Variants in MCTP1 observed in about 807,000 individuals in gnomAD.
The protein encoded by MCTP1 is multiple C2 and transmembrane domain-containing protein 1.
Under a neutral mutation model 120.6 loss-of-function variants are expected in MCTP1, and 69 were observed. The observed-to-expected ratio is 0.57, with a 90% confidence interval of 0.47 to 0.70. The LOEUF (loss-of-function observed/expected upper bound fraction) is 0.70, where lower values mean the gene tolerates loss of function less well. MCTP1 is among the 30% of genes least tolerant of loss of function. The pLI is 0.00. For missense variants in MCTP1, 1,203 were observed against 1,248.8 expected (o/e 0.96, Z 0.55); for synonymous variants, 529 against 493.1 (o/e 1.07, Z -0.96).
At chr5:95,032,680 G>A (rs1200806699) in intron 1 of MCTP1, among the ~76,000 whole-genome samples, 1 of 151,802 alleles carries the variant, frequency 6.6e-6, no homozygotes, top group Non-Finnish European at 1.5e-5. Flanking sequence ...CCCAAAACAA[G>A]CAAAACAAGA....
At chr5:95,132,476 A>G (rs528980329) in intron 1 of MCTP1, among the ~76,000 whole-genome samples, 6 of 152,388 alleles carry the variant, frequency 3.9e-5, no homozygotes, top group Non-Finnish European at 8.8e-5. Flanking sequence ...TGGAAAATGC[A>G]TAAAACAACA....
In MCTP1 at chr5:94,766,840, GATTA is replaced by G. The variant is rs965582079; in HGVS notation, c.2610+12266_2610+12269del. Among the ~76,000 whole-genome samples, 3 of 152,154 alleles carry G rather than the reference GATTA, an allele frequency of 2.0e-5. No individual in the cohort carries two copies. In the East Asian group the frequency reaches 5.8e-4, roughly 29 times the overall value. On this transcript the variant is annotated intron_variant, in intron 19 of 22. Coordinates refer to ENST00000515393, the MANE Select transcript of MCTP1 (RefSeq NM_024717.7). Reference sequence around the variant, plus strand: ...AGACCCCAAACTGGATAGCTTTACTGATTAATTATGGCAATTTATAAAGAACTAA... The same window carrying G: ...AGACCCCAAACTGGATAGCTTTACTGATTATGGCAATTTATAAAGAACTAA...
chr5:94,705,993 G>C lies in MCTP1; in HGVS notation c.*1503C>G, dbSNP rs1561493837. 6.6e-6 allele frequency: 1 copy of C among 151,608 alleles called. No individual in the cohort carries two copies. Among genetic ancestry groups the C allele is most frequent in the African/African-American group, 2.4e-5 (1 of 41,368 alleles). The allele number at this position is 151,608 out of a possible 1,614,324, so 9.4% of individuals were successfully genotyped here. A position where few individuals can be genotyped will look rare whatever the true frequency, so the allele number is the denominator to read the frequency against. Reference sequence around the variant, plus strand: ...CAAAATAGTTCTATTATAAGAAATAGTATTTAACAACTTATCTCTAAAATA... The same window carrying C: ...CAAAATAGTTCTATTATAAGAAATACTATTTAACAACTTATCTCTAAAATA... On this transcript the variant is annotated 3_prime_UTR_variant, in exon 23 of 23. Transcript: ENST00000515393.
intron 2 of MCTP1, among the ~76,000 whole-genome samples, chr5:94,988,951 G>T (rs945231407): frequency 6.6e-6 from 1 of 152,004 alleles, no homozygotes; most frequent in Non-Finnish European, 1.5e-5. Flanking sequence ...AACTGGATGG[G>T]GGAAACCACC....
chr5:95,265,800 A>T (rs1758835696), intron 1 of MCTP1, among the ~76,000 whole-genome samples: 2 of 152,226 alleles, frequency 1.3e-5, no homozygotes, highest in South Asian at 4.1e-4. Flanking sequence ...GGAGTGCAGG[A>T]GTATTGGGTT....
intron 17 of MCTP1, chr5:94,826,287 G>T: frequency 4.1e-6 from 2 of 491,806 alleles, no homozygotes; most frequent in South Asian, 4.1e-5. Context: ...GCAATATATG[G>T]CTTTACAATC....
intron 17 of MCTP1, among the ~76,000 whole-genome samples, chr5:94,806,999 A>G (rs1782471365): frequency 6.6e-6 from 1 of 152,220 alleles, no homozygotes; most frequent in African/African-American, 2.4e-5. Context: ...CTTAAACTTA[A>G]CACACATTTA....
chr5:94,936,160 C>T (rs1816150040), intron 5 of MCTP1, among the ~76,000 whole-genome samples: 1 of 151,774 alleles, frequency 6.6e-6, no homozygotes, highest in Admixed American at 6.6e-5. Flanking sequence ...TAAGAACTTA[C>T]AAAAGAAAAT....
intron 17 of MCTP1, among the ~76,000 whole-genome samples, chr5:94,817,794 C>A (rs1356365305): frequency 6.6e-6 from 1 of 152,078 alleles, no homozygotes; most frequent in East Asian, 1.9e-4. Context: ...GATTTTGGCC[C>A]TTTTTAGGAA....
At chr5:94,790,174 TGA>T (rs1393696568) in intron 18 of MCTP1, among the ~76,000 whole-genome samples, 1 of 152,194 alleles carries the variant, frequency 6.6e-6, no homozygotes, top group African/African-American at 2.4e-5. Context: ...AGTGCTCTGA[TGA>T]GAGGAAAGTA....
intron 1 of MCTP1, among the ~76,000 whole-genome samples, chr5:95,200,314 A>C (rs1750872842): frequency 6.6e-6 from 1 of 152,162 alleles, no homozygotes; most frequent in Non-Finnish European, 1.5e-5. Context: ...TAAAAATAGA[A>C]CTGCCATATG....
At chr5:94,964,919 AG>A (rs1317223179) in intron 2 of MCTP1, among the ~76,000 whole-genome samples, 1 of 152,140 alleles carries the variant, frequency 6.6e-6, no homozygotes, top group Non-Finnish European at 1.5e-5. Flanking sequence ...CCTTTGCTAT[AG>A]TTATTTTTAA....
chr5:95,142,128 T>C (rs1186570861), intron 1 of MCTP1, among the ~76,000 whole-genome samples: 4 of 152,236 alleles, frequency 2.6e-5, no homozygotes, highest in Non-Finnish European at 4.4e-5. Flanking sequence ...TTTTATTATA[T>C]AATTGTCTAA....
intron 1 of MCTP1, among the ~76,000 whole-genome samples, chr5:95,283,446 G>T (rs1326393650): frequency 6.6e-6 from 1 of 152,178 alleles, no homozygotes; most frequent in East Asian, 1.9e-4. Context: ...CTTCCCGCCA[G>T]CCATTTGCTT....
At chr5:95,155,667 A>C (rs1400253200) in intron 1 of MCTP1, among the ~76,000 whole-genome samples, 2 of 152,190 alleles carry the variant, frequency 1.3e-5, no homozygotes, top group Non-Finnish European at 2.9e-5. Flanking sequence ...GATGGCTAGA[A>C]GCCATTAAAC....
chr5:95,004,520 T>C (rs930166710), intron 2 of MCTP1, among the ~76,000 whole-genome samples: 26 of 151,928 alleles, frequency 1.7e-4, no homozygotes, highest in African/African-American at 5.6e-4. Flanking sequence ...GAGAGAAAAA[T>C]GGTTTAGGGG....
intron 12 of MCTP1, among the ~76,000 whole-genome samples, chr5:94,875,131 G>A (rs1457716868): frequency 6.6e-6 from 1 of 152,148 alleles, no homozygotes; most frequent in African/African-American, 2.4e-5. Context: ...ATCTTAGAAG[G>A]TGATAAATAC....
At chr5:95,105,076 C>A (rs1174200996) in intron 1 of MCTP1, among the ~76,000 whole-genome samples, 1 of 152,152 alleles carries the variant, frequency 6.6e-6, no homozygotes, top group Non-Finnish European at 1.5e-5. Context: ...CAATCCATAG[C>A]ATGCTGTATA....
intron 22 of MCTP1, among the ~76,000 whole-genome samples, chr5:94,708,053 A>G (rs1298224334): frequency 6.6e-6 from 1 of 151,912 alleles, no homozygotes; most frequent in Non-Finnish European, 1.5e-5. Flanking sequence ...TTTTTGAGAT[A>G]TGCTCCACTC....
Sources: allele counts gnomAD v4.1 joint callset (sites outside exome capture counted in the v4.1 genomes callset), GRCh38; gene constraint gnomAD v4.1.1; transcripts MANE v1.5; gene names NCBI Gene and HGNC (gene_info 2026-07-23, HGNC 2026-07-21).